Variants in CNTN6 observed in about 807,000 individuals in gnomAD.
The protein encoded by CNTN6 is contactin 6.
In CNTN6, 137 loss-of-function variants were observed where a neutral mutation model predicts 122.8. That is an observed-to-expected ratio of 1.12 (90% CI 0.97 to 1.29). The LOEUF (loss-of-function observed/expected upper bound fraction) is 1.29. Among genes scored for constraint, CNTN6 ranks in the 50% most tolerant of loss-of-function variants. CNTN6 has a pLI of 0.00. For synonymous variants in CNTN6, 570 were observed against 426.0 expected, an observed-to-expected ratio of 1.34 and a Z score of -4.16; for missense variants, 1,634 against 1,223.4, an observed-to-expected ratio of 1.34 and a Z score of -5.01.
At chr3:1,207,519 T>A (rs2093974325) in intron 2 of CNTN6, among the ~76,000 whole-genome samples, 1 of 152,098 alleles carries the variant, frequency 6.6e-6, no homozygotes, top group Admixed American at 6.6e-5. Flanking sequence ...TGTTCAGATG[T>A]CACCAGACCA....
chr3:1,279,422 C>T lies in CNTN6; in HGVS notation c.454+914C>T, dbSNP rs531976994. On this transcript the variant is annotated intron_variant, in intron 5 of 22. Transcript: ENST00000446702. ...TTAATAACAGCAAGGACTTACACAG[C>T]ACAGACCCAAGGACTTTAACATGTA... 2.6e-5 allele frequency among the ~76,000 whole-genome samples: 4 copies of T among 152,330 alleles called. No individual in the cohort carries two copies. The East Asian group carries it at 5.8e-4, about 22-fold the overall frequency.
intron 12 of CNTN6, among the ~76,000 whole-genome samples, chr3:1,353,224 T>C (rs542300565): frequency 6.6e-6 from 1 of 151,882 alleles, no homozygotes; most frequent in East Asian, 1.9e-4. Flanking sequence ...AAAATGGCTC[T>C]CTTGATAAAG....
intron 7 of CNTN6, among the ~76,000 whole-genome samples, chr3:1,313,201 T>A (rs1461744770): frequency 6.6e-6 from 1 of 152,062 alleles, no homozygotes; most frequent in Non-Finnish European, 1.5e-5. Flanking sequence ...TAATAAAAAA[T>A]TATAGACAAG....
At chr3:1,141,692 A>T (rs534799942) in intron 1 of CNTN6, among the ~76,000 whole-genome samples, 1 of 152,204 alleles carries the variant, frequency 6.6e-6, no homozygotes, top group East Asian at 1.9e-4. Flanking sequence ...GTCCAAGTCC[A>T]TGTAACCTAG....
At chr3:1,134,679 T>G (rs898776663) in intron 1 of CNTN6, among the ~76,000 whole-genome samples, 3 of 151,554 alleles carry the variant, frequency 2.0e-5, no homozygotes, top group Non-Finnish European at 4.4e-5. Flanking sequence ...AGTTTTGTTT[T>G]TTTTGTTTTT....
chr3:1,335,171 A>G (rs1702865015), intron 11 of CNTN6, among the ~76,000 whole-genome samples: 1 of 152,150 alleles, frequency 6.6e-6, no homozygotes. Flanking sequence ...TTTCAGAGAA[A>G]ATGGTACTTG....
intron 1 of CNTN6, among the ~76,000 whole-genome samples, chr3:1,099,319 CG>C (rs377744288): frequency 0.029 from 4,422 of 151,794 alleles, 74 homozygotes; most frequent in Non-Finnish European, 0.035. Flanking sequence ...GGTGTGGTGG[CG>C]GGCGCCTGTA....
chr3:1,277,441 C>T (rs2125785998), intron 4 of CNTN6, among the ~76,000 whole-genome samples: 1 of 143,940 alleles, frequency 6.9e-6, no homozygotes, highest in East Asian at 2.3e-4. Context: ...CTCATTGCAA[C>T]CTCTGCCTCC....
chr3:1,217,874 A>G (rs1207122884), intron 2 of CNTN6, among the ~76,000 whole-genome samples: 6 of 152,200 alleles, frequency 3.9e-5, no homozygotes, highest in African/African-American at 1.4e-4. Flanking sequence ...TTTGGGGAAG[A>G]AATATTTTGG....
intron 1 of CNTN6, among the ~76,000 whole-genome samples, chr3:1,106,509 C>T (rs569765642): frequency 8.3e-5 from 12 of 145,440 alleles, no homozygotes; most frequent in African/African-American, 2.2e-4. Context: ...AAAGTGAGAC[C>T]CCTGTCTGTA....
intron 2 of CNTN6, among the ~76,000 whole-genome samples, chr3:1,207,683 C>T (rs66910503): frequency 0.18 from 26,935 of 151,734 alleles, 2,474 homozygotes; most frequent in Non-Finnish European, 0.2. Context: ...AATTAGAATA[C>T]AAACGCTGTC....
rs757869584 is a variant in CNTN6 at position 1,148,026 on chromosome 3, A to C, written c.18A>C (p.Lys6Asn). 9 of 1,607,362 alleles carry C rather than the reference A, an allele frequency of 5.6e-6. No homozygotes were observed. The South Asian group carries it at 9.9e-5, about 18-fold the overall frequency. The change falls in exon 2 of 23, where the codon AAA (lysine) becomes AAC (asparagine). Residue 6 changes from lysine to asparagine, a missense_variant. By Grantham distance (94) the Lys-to-Asn change is moderately conservative. Coordinates refer to ENST00000446702, the MANE Select transcript of CNTN6 (RefSeq NM_001289080.2). MRLLW[K>N]LVILLPLINS... ...AAGTGGAAATGAGGTTGCTATGGAA[A>C]CTGGTAATTCTGCTGCCACTCATAA...
chr3:1,210,430 A>AGGAAAG (rs2094020274), intron 2 of CNTN6, among the ~76,000 whole-genome samples: 3 of 152,030 alleles, frequency 2.0e-5, no homozygotes, highest in African/African-American at 4.8e-5. Flanking sequence ...GGAAAGAAAA[A>AGGAAAG]AAAAAGGCTT....
At chr3:1,349,313 C>T (rs1409441306) in intron 11 of CNTN6, among the ~76,000 whole-genome samples, 4 of 151,744 alleles carry the variant, frequency 2.6e-5, no homozygotes, top group African/African-American at 9.7e-5. Context: ...ACTAATCATT[C>T]ATGCAAATCT....
chr3:1,305,265 T>C (rs1330837551), intron 7 of CNTN6, among the ~76,000 whole-genome samples: 1 of 152,188 alleles, frequency 6.6e-6, no homozygotes, highest in Non-Finnish European at 1.5e-5. Flanking sequence ...TTTACTCATA[T>C]AATCTAACAA....
intron 2 of CNTN6, among the ~76,000 whole-genome samples, chr3:1,202,224 A>C (rs966407743): frequency 6.6e-6 from 1 of 152,248 alleles, no homozygotes; most frequent in Non-Finnish European, 1.5e-5. Context: ...GAGGAGAAGG[A>C]AAAGCTTCAT....
At position 1,331,463 on chromosome 3, in the gene CNTN6, A is replaced by G. The variant is rs548951290; in HGVS notation, c.1364+1528A>G. Among the ~76,000 whole-genome samples the G allele has an allele frequency of 3.9e-5, 6 of 152,118 alleles. No homozygotes were observed. In the South Asian group the frequency reaches 6.2e-4, roughly 16 times the overall value. On this transcript the variant is annotated intron_variant, in intron 11 of 22. Coordinates refer to ENST00000446702, the MANE Select transcript of CNTN6 (RefSeq NM_001289080.2). ...CAGAACTAAGGTGAAAGAAAAGGTG[A>G]AAGGAAACCTGTTGTCCTGACTCAG...
At chr3:1,389,882 C>A (rs948158134) in intron 20 of CNTN6, among the ~76,000 whole-genome samples, 1 of 151,480 alleles carries the variant, frequency 6.6e-6, no homozygotes. Flanking sequence ...TCTATGCACC[C>A]AATACAGGAG....
At chr3:1,292,861 C>A (rs907353707) in intron 5 of CNTN6, among the ~76,000 whole-genome samples, 1 of 152,096 alleles carries the variant, frequency 6.6e-6, no homozygotes, top group African/African-American at 2.4e-5. Context: ...CCACTGTATA[C>A]ATCTCCAGGT....
Sources: allele counts gnomAD v4.1 joint callset (sites outside exome capture counted in the v4.1 genomes callset), GRCh38; gene constraint gnomAD v4.1.1; transcripts MANE v1.5; gene names NCBI Gene and HGNC (gene_info 2026-07-23, HGNC 2026-07-21).